SLIT1: variants seen among roughly 807,000 people sequenced by gnomAD.
The protein encoded by SLIT1 is slit guidance ligand 1, also known as slit homolog 1 protein.
A neutral mutation model predicts 186.1 loss-of-function variants in SLIT1; 66 were observed. That is an observed-to-expected ratio of 0.35 (90% CI 0.29 to 0.44). SLIT1 has a LOEUF of 0.44. SLIT1 is among the 20% of genes least tolerant of loss of function. The pLI is 1.00. For synonymous variants in SLIT1, 761 were observed against 833.8 expected, an observed-to-expected ratio of 0.91 and a Z score of 1.50; for missense variants, 1,638 against 2,037.4, an observed-to-expected ratio of 0.80 and a Z score of 3.77.
chr10:97,120,503 C>T (rs1382808902), intron 4 of SLIT1, among the ~76,000 whole-genome samples: 2 of 152,204 alleles, frequency 1.3e-5, no homozygotes, highest in African/African-American at 4.8e-5. Flanking sequence ...GGACTTGTGT[C>T]GGGGTACTGG....
intron 8 of SLIT1, among the ~76,000 whole-genome samples, 181 bp from the exon 9 acceptor site, chr10:97,060,968 C>T (rs910909292): frequency 1.5e-4 from 23 of 152,242 alleles, no homozygotes; most frequent in African/African-American, 5.5e-4. Context: ...GGGTGCCTGG[C>T]ACACAGCAGG....
At chr10:97,097,134 A>G (rs961079869) in intron 4 of SLIT1, among the ~76,000 whole-genome samples, 5 of 152,144 alleles carry the variant, frequency 3.3e-5, no homozygotes, top group Non-Finnish European at 7.4e-5. Context: ...CTCCCACCCA[A>G]GCGCCTCCAC....
chr10:97,168,006 G>A (rs1335914577), intron 1 of SLIT1, among the ~76,000 whole-genome samples: 8 of 152,262 alleles, frequency 5.3e-5, no homozygotes, highest in South Asian at 2.1e-4. Flanking sequence ...TTAGCAGTGT[G>A]AGAACGGACT....
chr10:97,034,775 C>T (rs1259695105), intron 22 of SLIT1, among the ~76,000 whole-genome samples: 1 of 152,126 alleles, frequency 6.6e-6, no homozygotes, highest in Non-Finnish European at 1.5e-5. Context: ...ATTTCCTGAC[C>T]CTCACCCCCA....
rs1446712547 is a variant in SLIT1 at position 97,185,459 on chromosome 10, G to A, written c.197+19C>T. 1 of 1,607,426 alleles carries A rather than the reference G, an allele frequency of 6.2e-7. No individual in the cohort carries two copies. Among genetic ancestry groups the A allele is most frequent in the Admixed American group, 1.7e-5 (1 of 59,636 alleles). On this transcript the variant is annotated intron_variant, in intron 1 of 36. Coordinates refer to ENST00000266058, the MANE Select transcript of SLIT1 (RefSeq NM_003061.3). The stretch of plus-strand genomic sequence containing the variant: ...GGCAACCTCGGAGCCAGGGAGCCAG[G>A]GGCGGGGACCATACTCACAGGCGCT...
chr10:97,026,430 C>T (rs548261447), intron 25 of SLIT1, among the ~76,000 whole-genome samples: 25 of 152,110 alleles, frequency 1.6e-4, no homozygotes, highest in African/African-American at 5.3e-4. Context: ...CACCACTGCA[C>T]TCCAGCCTGG....
At position 97,043,461 on chromosome 10, in the gene SLIT1, G is replaced by C; in HGVS notation, c.1906C>G (p.Leu636Val). Residue 636 changes from leucine to valine, a missense_variant, in exon 19 of 37, where the codon CTG becomes GTG. Transcript: ENST00000266058. This position sits in a 1 kb window ranked among gnomAD's most constrained non-coding sequence, Gnocchi z 7.0. ...AGCGAGAGGAGCCGGACGTTGCGCAGGCCCGTGAAGCTGTCGTTGTGGATG... is the reference window on the plus strand; with the variant it reads ...AGCGAGAGGAGCCGGACGTTGCGCACGCCCGTGAAGCTGTCGTTGTGGATG... ...SCIHNDSFTGLRNVRLLSLYD... is the reference protein window; with the variant it reads ...SCIHNDSFTGVRNVRLLSLYD... The C allele has an allele frequency of 6.2e-7, 1 of 1,614,006 alleles. No homozygotes were observed. The highest frequency in any genetic ancestry group is 1.1e-5 in the South Asian group (1 of 91,068).
At chr10:97,049,616 C>G (rs1387082163) in intron 13 of SLIT1, among the ~76,000 whole-genome samples, 1 of 152,166 alleles carries the variant, frequency 6.6e-6, no homozygotes, top group East Asian at 1.9e-4. Flanking sequence ...CCTTCAGACT[C>G]AGGTAGCAGC....
At chr10:97,019,184 A>C (rs57812299) in intron 26 of SLIT1, 77 bp from the exon 27 acceptor site, 6 of 931,778 alleles carry the variant, frequency 6.4e-6, no homozygotes, top group Non-Finnish European at 8.6e-6. Context: ...CTCAACCCCG[A>C]GGAGCCCATG....
At chr10:97,179,574 C>T (rs1850302831) in intron 1 of SLIT1, among the ~76,000 whole-genome samples, 1 of 152,264 alleles carries the variant, frequency 6.6e-6, no homozygotes, top group East Asian at 1.9e-4. Context: ...GGGCCATTCT[C>T]GTACTGAAGC....
intron 4 of SLIT1, among the ~76,000 whole-genome samples, chr10:97,081,441 C>A (rs1267730647): frequency 2.0e-5 from 3 of 152,206 alleles, no homozygotes; most frequent in Non-Finnish European, 4.4e-5. Flanking sequence ...TCCATTCCCT[C>A]TTCCTCAGGG....
chr10:97,013,924 CTG>C, intron 29 of SLIT1, 90 bp from the exon 30 acceptor site: 1 of 1,558,020 alleles, frequency 6.4e-7, no homozygotes, highest in South Asian at 1.2e-5. Flanking sequence ...CCTGCAGACA[CTG>C]AGGCAGGGAT....
At chr10:97,045,347 ATTAAGT>A (rs1848725592) in intron 18 of SLIT1, among the ~76,000 whole-genome samples, 1 of 152,236 alleles carries the variant, frequency 6.6e-6, no homozygotes, top group Admixed American at 6.5e-5. Context: ...TGGTGCTCAT[ATTAAGT>A]TTAAGGAAAA....
chr10:97,086,432 G>A (rs1849160249), intron 4 of SLIT1, among the ~76,000 whole-genome samples: 1 of 151,856 alleles, frequency 6.6e-6, no homozygotes, highest in Admixed American at 6.6e-5. Context: ...ACAAAAATTA[G>A]CCAGGCATGG....
chr10:97,025,424 G>A (rs889911978), intron 25 of SLIT1, among the ~76,000 whole-genome samples: 17 of 152,214 alleles, frequency 1.1e-4, no homozygotes, highest in Admixed American at 1.0e-3. Context: ...TAGACTCTGA[G>A]CCACACCTGA....
chr10:97,108,487 T>C (rs1849434649), intron 4 of SLIT1, among the ~76,000 whole-genome samples: 2 of 152,164 alleles, frequency 1.3e-5, no homozygotes, highest in Non-Finnish European at 2.9e-5. Flanking sequence ...GCTCCGTGTG[T>C]CTGCAGTGCC....
intron 4 of SLIT1, among the ~76,000 whole-genome samples, chr10:97,141,822 T>C (rs1018882668): frequency 2.6e-5 from 4 of 151,842 alleles, no homozygotes; most frequent in African/African-American, 9.7e-5. Context: ...AGACAGGGTC[T>C]CACTAAGTCA....
chr10:97,131,524 T>A (rs1432755293), intron 4 of SLIT1, among the ~76,000 whole-genome samples: 1 of 152,176 alleles, frequency 6.6e-6, no homozygotes, highest in Non-Finnish European at 1.5e-5. Flanking sequence ...AAGCACGTAT[T>A]GACACCCCGC....
At chr10:97,039,806 A>G in intron 21 of SLIT1, among the ~76,000 whole-genome samples, 182 bp downstream of exon 21, 1 of 152,252 alleles carries the variant, frequency 6.6e-6, no homozygotes, top group Non-Finnish European at 1.5e-5. Context: ...AATCAGAGAG[A>G]AGCTCAAAGC....
Sources: allele counts gnomAD v4.1 joint callset (sites outside exome capture counted in the v4.1 genomes callset), GRCh38; gene constraint gnomAD v4.1.1; non-coding constraint Gnocchi (gnomAD v3.1); transcripts MANE v1.5; gene names NCBI Gene and HGNC (gene_info 2026-07-23, HGNC 2026-07-21).